Variants in CDH20 observed in about 807,000 individuals in gnomAD.
CDH20 encodes cadherin 20.
CDH20 carries 29 observed loss-of-function variants against 74.2 expected under a neutral mutation model. That is an observed-to-expected ratio of 0.39 (90% CI 0.29 to 0.53). The LOEUF (loss-of-function observed/expected upper bound fraction) is 0.53, where lower values mean the gene tolerates loss of function less well. Ranked by LOEUF, CDH20 falls within the 20% of genes least tolerant of loss-of-function variation. The pLI is 0.69. For missense variants in CDH20, 988 were observed against 1,048.3 expected (o/e 0.94, Z 0.79); for synonymous variants, 469 against 405.4 (o/e 1.16, Z -1.88).
chr18:61,463,205 T>C (rs1909846747), intron 1 of CDH20, among the ~76,000 whole-genome samples: 1 of 152,152 alleles, frequency 6.6e-6, no homozygotes, highest in African/African-American at 2.4e-5. Flanking sequence ...GGCACCTTCA[T>C]GAGTGCTCTC....
chr18:61,425,798 A>G (rs1368864802), intron 1 of CDH20, among the ~76,000 whole-genome samples: 1 of 152,162 alleles, frequency 6.6e-6, no homozygotes, highest in Admixed American at 6.5e-5. Context: ...AATAACCACT[A>G]AAGAACTTAT....
chr18:61,546,801 CA>C (rs142098907), intron 10 of CDH20, among the ~76,000 whole-genome samples: 2,026 of 152,266 alleles, frequency 0.013, 28 homozygotes, highest in South Asian at 0.029. Context: ...GAAGGTTTCC[CA>C]AAACAGAAGT....
At chr18:61,491,329 A>G (rs1910953543) in intron 2 of CDH20, among the ~76,000 whole-genome samples, 1 of 152,192 alleles carries the variant, frequency 6.6e-6, no homozygotes, top group Non-Finnish European at 1.5e-5. Context: ...AATTCTCTTG[A>G]TTTAATCTAT....
At chr18:61,383,998 T>C (rs1445294175) in intron 1 of CDH20, among the ~76,000 whole-genome samples, 1 of 152,148 alleles carries the variant, frequency 6.6e-6, no homozygotes, top group Admixed American at 6.5e-5. Context: ...CACAAGTGTG[T>C]CACAGACACC....
At chr18:61,430,216 G>C (rs1156669272) in intron 1 of CDH20, among the ~76,000 whole-genome samples, 1 of 152,132 alleles carries the variant, frequency 6.6e-6, no homozygotes, top group Non-Finnish European at 1.5e-5. Context: ...ACAGTATCTA[G>C]ATTATAAACT....
At chr18:61,341,435 CT>C (rs1168442356) in intron 1 of CDH20, among the ~76,000 whole-genome samples, 1 of 139,678 alleles carries the variant, frequency 7.2e-6, no homozygotes, top group African/African-American at 2.7e-5. Context: ...CCCCCCCCGC[CT>C]AATGCCGTTC....
intron 1 of CDH20, among the ~76,000 whole-genome samples, chr18:61,394,671 T>C (rs1257171405): frequency 2.0e-5 from 3 of 152,156 alleles, no homozygotes; most frequent in African/African-American, 7.2e-5. Flanking sequence ...ACTTTGTTAC[T>C]GCAGCTCTAG....
intron 1 of CDH20, among the ~76,000 whole-genome samples, chr18:61,426,659 G>A (rs985665567): frequency 3.3e-5 from 5 of 152,288 alleles, no homozygotes; most frequent in Admixed American, 3.3e-4. Flanking sequence ...GGTCAGTATT[G>A]CTTGTCCCAC....
intron 1 of CDH20, among the ~76,000 whole-genome samples, chr18:61,471,506 T>TG (rs972367404): frequency 6.6e-6 from 1 of 152,218 alleles, no homozygotes; most frequent in African/African-American, 2.4e-5. Context: ...ATAATGGAAC[T>TG]GGGGGGAAAT....
chr18:61,554,572 C>T lies in CDH20; in HGVS notation c.2283C>T (p.Ser761=), dbSNP rs1220669471. 6.2e-7 allele frequency: 1 copy of T among 1,609,638 alleles called. No homozygotes were observed. Among genetic ancestry groups the T allele is most frequent in the Non-Finnish European group, 8.5e-7 (1 of 1,178,408 alleles). ...ACGGCTCTGTGGCGGGGTCGCTGAG[C>T]TCCCTGCAGTCGGCCACGTCGGACT... The part of the protein sequence containing the change: ...EGDGSVAGSL[S]SLQSATSDSE... The change falls in exon 12 of 12, where the codon AGC becomes AGT. Residue 761 remains serine, a synonymous_variant. Coordinates refer to ENST00000262717, the MANE Select transcript of CDH20 (RefSeq NM_031891.4).
chr18:61,376,041 G>T (rs1056135017), intron 1 of CDH20, among the ~76,000 whole-genome samples: 1 of 152,026 alleles, frequency 6.6e-6, no homozygotes, highest in African/African-American at 2.4e-5. Flanking sequence ...TAAAATATAT[G>T]AATTATTGCA....
At chr18:61,415,820 C>T (rs1260648140) in intron 1 of CDH20, among the ~76,000 whole-genome samples, 2 of 152,072 alleles carry the variant, frequency 1.3e-5, no homozygotes, top group African/African-American at 4.8e-5. Flanking sequence ...ATGGTGTCTT[C>T]CATCTCCTCT....
chr18:61,391,181 A>C (rs1380433410), intron 1 of CDH20, among the ~76,000 whole-genome samples: 1 of 152,228 alleles, frequency 6.6e-6, no homozygotes, highest in Non-Finnish European at 1.5e-5. Flanking sequence ...GATAATCTAC[A>C]AAATAATAAA....
chr18:61,355,519 A>G (rs1161842673), intron 1 of CDH20, among the ~76,000 whole-genome samples: 1 of 152,218 alleles, frequency 6.6e-6, no homozygotes, highest in Non-Finnish European at 1.5e-5. Flanking sequence ...AACATGTATC[A>G]CTTTATTTGT....
intron 1 of CDH20, among the ~76,000 whole-genome samples, chr18:61,344,671 A>G (rs1202492339): frequency 6.6e-6 from 1 of 152,180 alleles, no homozygotes; most frequent in Non-Finnish European, 1.5e-5. Flanking sequence ...GTAAATGAGC[A>G]AAATAAGGTT....
At chr18:61,547,359 A>G (rs2144407847) in intron 10 of CDH20, among the ~76,000 whole-genome samples, 1 of 152,216 alleles carries the variant, frequency 6.6e-6, no homozygotes, top group East Asian at 1.9e-4. Flanking sequence ...AAACTGACTA[A>G]TATAGGGCAG....
At chr18:61,411,317 T>C (rs1912493275) in intron 1 of CDH20, among the ~76,000 whole-genome samples, 1 of 152,060 alleles carries the variant, frequency 6.6e-6, no homozygotes, top group Non-Finnish European at 1.5e-5. Context: ...GAATGTAAAC[T>C]AGTACAGCCA....
At chr18:61,416,043 T>TAA (rs199508830) in intron 1 of CDH20, among the ~76,000 whole-genome samples, 49 of 148,790 alleles carry the variant, frequency 3.3e-4, no homozygotes, top group South Asian at 4.2e-4. Flanking sequence ...TTCCAAGATG[T>TAA]AAAAAAAAAA....
At chr18:61,473,722 G>C (rs1910270466) in intron 1 of CDH20, among the ~76,000 whole-genome samples, 1 of 152,186 alleles carries the variant, frequency 6.6e-6, no homozygotes, top group Non-Finnish European at 1.5e-5. Context: ...CATAAAAGCA[G>C]TGGAAGCTGA....
Sources: allele counts gnomAD v4.1 joint callset (sites outside exome capture counted in the v4.1 genomes callset), GRCh38; gene constraint gnomAD v4.1.1; transcripts MANE v1.5; gene names NCBI Gene and HGNC (gene_info 2026-07-23, HGNC 2026-07-21).